Variants in NLRP14 observed in about 807,000 individuals in gnomAD.
NLRP14 encodes the protein NLR family pyrin domain containing 14, also known as NACHT, LRR and PYD domains-containing protein 14.
A neutral mutation model predicts 94.7 loss-of-function variants in NLRP14; 105 were observed. The observed-to-expected ratio is 1.11, with a 90% CI of 0.95 to 1.30. The LOEUF (loss-of-function observed/expected upper bound fraction) is 1.30, where lower values mean the gene tolerates loss of function less well. NLRP14 is among the 50% of genes most tolerant of loss of function. The pLI is 0.00. For missense variants in NLRP14, 1,362 were observed against 1,254.1 expected (o/e 1.09, Z -1.30); for synonymous variants, 508 against 459.9 (o/e 1.10, Z -1.34).
At chr11:7,089,403 G>A in the NLRP14 span, 2 of 1,588,924 alleles carry the variant, frequency 1.3e-6, no homozygotes, top group Non-Finnish European at 1.7e-6. Context: ...CAGCCGGCGG[G>A]GCCCGCCGCC....
At chr11:7,045,622 G>T (rs936650779) in intron 4 of NLRP14, among the ~76,000 whole-genome samples, 4 of 152,012 alleles carry the variant, frequency 2.6e-5, no homozygotes, top group Non-Finnish European at 4.4e-5. Flanking sequence ...AAGACCTCAA[G>T]TGATATAGAC....
the NLRP14 span, among the ~76,000 whole-genome samples, chr11:7,078,462 A>AAAAAAAAAAAAAAATAAAAAG: frequency 1.1e-5 from 1 of 88,486 alleles, no homozygotes; most frequent in African/African-American, 4.3e-5. Context: ...AAAAAAAAAA[A>AAAAAAAAAAAAAAATAAAAAG]CAAAAAAATT....
At chr11:7,034,740 G>C (rs1376665478) in intron 1 of NLRP14, among the ~76,000 whole-genome samples, 1 of 152,114 alleles carries the variant, frequency 6.6e-6, no homozygotes, top group Non-Finnish European at 1.5e-5. Context: ...TTCCTAAGTT[G>C]TGATGAATAT....
chr11:7,037,218 A>C (rs973939696), intron 1 of NLRP14, among the ~76,000 whole-genome samples: 1 of 152,104 alleles, frequency 6.6e-6, no homozygotes, highest in Non-Finnish European at 1.5e-5. Context: ...TTACTATAGG[A>C]CTTGTTTTTG....
intron 10 of NLRP14, 134 bp from the exon 11 acceptor site, chr11:7,070,152 T>A: frequency 1.5e-6 from 1 of 686,896 alleles, no homozygotes; most frequent in Non-Finnish European, 2.6e-6. Context: ...CTTATAGTCC[T>A]TGAATTTATA....
At chr11:7,069,968 T>C (rs1052012751) in intron 10 of NLRP14, among the ~76,000 whole-genome samples, 1 of 152,166 alleles carries the variant, frequency 6.6e-6, no homozygotes, top group Non-Finnish European at 1.5e-5. Context: ...GCTTCCAATA[T>C]CTAGTTATAG....
chr11:7,080,862 G>T, the NLRP14 span, among the ~76,000 whole-genome samples: 1 of 152,218 alleles, frequency 6.6e-6, no homozygotes, highest in African/African-American at 2.4e-5. Context: ...TTGTGGTCAG[G>T]ATCACTTTCT....
Position 7,070,547 on chromosome 11 carries a change from A to G in NLRP14, c.3146+91A>G, listed in dbSNP as rs186023996. On this transcript the variant is annotated intron_variant, in intron 11 of 11. Transcript: ENST00000299481. The stretch of plus-strand genomic sequence containing the variant: ...TAATACAGGCCTCAGAATCCACCTA[A>G]TTGTGTATCATTGGGTATTTTCTAG... The G allele has an allele frequency of 1.5e-4, 124 of 801,566 alleles. No homozygotes were observed. In the African/African-American group the frequency reaches 2.1e-3, roughly 13 times the overall value. 49.7% of individuals were successfully genotyped at this position (801,566 alleles called of 1,614,324 possible). A position where few individuals can be genotyped will look rare whatever the true frequency, so the allele number is the denominator to read the frequency against.
intron 6 of NLRP14, among the ~76,000 whole-genome samples, chr11:7,057,242 A>G (rs116415105): frequency 0.021 from 3,254 of 152,036 alleles, 129 homozygotes; most frequent in African/African-American, 0.074. Flanking sequence ...GTCAGAAAAC[A>G]CGGGCTCATG....
chr11:7,071,092 T>C, intron 11 of NLRP14, 81 bp from the exon 12 acceptor site: 2 of 1,530,768 alleles, frequency 1.3e-6, no homozygotes, highest in South Asian at 1.1e-5. Context: ...TTTTTTCTCC[T>C]GAAATAAATC....
intron 1 of NLRP14, among the ~76,000 whole-genome samples, chr11:7,026,117 A>G (rs946874077): frequency 1.3e-5 from 2 of 152,226 alleles, no homozygotes; most frequent in Non-Finnish European, 2.9e-5. Context: ...TGTCTAAAAC[A>G]CCAAAAGCAA....
the NLRP14 span, among the ~76,000 whole-genome samples, chr11:7,086,208 TC>T: frequency 6.6e-6 from 1 of 152,238 alleles, no homozygotes; most frequent in Non-Finnish European, 1.5e-5. Context: ...CAACACTTAT[TC>T]TTTTTGTGCT....
the NLRP14 span, among the ~76,000 whole-genome samples, chr11:7,083,752 C>A: frequency 6.6e-6 from 1 of 152,208 alleles, no homozygotes; most frequent in African/African-American, 2.4e-5. Flanking sequence ...CTACTTCAAG[C>A]AAGCATACTG....
At position 7,056,554 on chromosome 11, in the gene NLRP14, T is replaced by C. The variant is rs1005069425; in HGVS notation, c.2292-1123T>C. 4.1e-5 allele frequency among the ~76,000 whole-genome samples: 6 copies of C among 145,936 alleles called. No homozygotes were observed. In the East Asian group the frequency reaches 1.0e-3, roughly 25 times the overall value. Reference sequence around the variant, plus strand: ...AAAAGAAATCTCAAGAAACTCATAATATGGGAAGGATAAGAGAAAATGAAC... The same window carrying C: ...AAAAGAAATCTCAAGAAACTCATAACATGGGAAGGATAAGAGAAAATGAAC... On this transcript the variant is annotated intron_variant, in intron 6 of 11. Coordinates refer to ENST00000299481, the MANE Select transcript of NLRP14 (RefSeq NM_176822.4).
intron 1 of NLRP14, among the ~76,000 whole-genome samples, chr11:7,030,149 A>G (rs1302007368): frequency 6.6e-6 from 1 of 152,242 alleles, no homozygotes; most frequent in Non-Finnish European, 1.5e-5. Context: ...TACCCATGTG[A>G]TCCAGAGGTT....
rs1181979339 is a variant in NLRP14 at position 7,038,686 on chromosome 11, C to T, written c.100C>T (p.Leu34=). 6.2e-7 allele frequency: 1 copy of T among 1,613,958 alleles called. No homozygotes were observed. The highest frequency in any genetic ancestry group is 1.1e-5 in the South Asian group (1 of 91,076). ...KEELNTFKLF[L]KETMEPEHGL... Reference sequence around the variant, plus strand: ...GGAATTAAATACATTCAAGTTATTCCTAAAGGAGACCATGGAACCTGAGCA... The same window carrying T: ...GGAATTAAATACATTCAAGTTATTCTTAAAGGAGACCATGGAACCTGAGCA... Residue 34 remains leucine, a synonymous_variant, in exon 2 of 12, where the codon CTA becomes TTA. Coordinates refer to ENST00000299481, the MANE Select transcript of NLRP14 (RefSeq NM_176822.4).
chr11:7,043,582 G>T lies in NLRP14; in HGVS notation c.1556G>T (p.Ser519Ile). The change falls in exon 4 of 12, where the codon AGT becomes ATT. Residue 519 changes from serine to isoleucine, a missense_variant. Transcript: ENST00000299481. ...TTGAAGTCATTACTTCAAAGCACAA[G>T]TTATAAAGACCCCCATTTGACACAG... ...EDLKSLLQSTSYKDPHLTQMK... is the reference protein window; with the variant it reads ...EDLKSLLQSTIYKDPHLTQMK... 6.2e-7 allele frequency: 1 copy of T among 1,614,182 alleles called. No homozygotes were observed. Among genetic ancestry groups the T allele is most frequent in the Admixed American group, 1.7e-5 (1 of 60,010 alleles).
chr11:7,069,640 T>TA (rs1273285890), intron 10 of NLRP14, among the ~76,000 whole-genome samples: 2 of 151,802 alleles, frequency 1.3e-5, no homozygotes, highest in Non-Finnish European at 2.9e-5. Flanking sequence ...TATTTTATTT[T>TA]TTTTGAGACG....
the NLRP14 span, among the ~76,000 whole-genome samples, chr11:7,082,123 A>G: frequency 1.3e-4 from 20 of 152,298 alleles, no homozygotes; most frequent in East Asian, 2.9e-3. Context: ...CAAGAACCAA[A>G]TATATATATT....
Sources: allele counts gnomAD v4.1 joint callset (sites outside exome capture counted in the v4.1 genomes callset), GRCh38; gene constraint gnomAD v4.1.1; transcripts MANE v1.5; gene names NCBI Gene and HGNC (gene_info 2026-07-23, HGNC 2026-07-21).